CD82: variants seen among roughly 807,000 people sequenced by gnomAD.
The protein encoded by CD82 is CD82 antigen.
CD82 carries 36 observed loss-of-function variants against 37.4 expected under a neutral mutation model. The ratio of observed to expected loss-of-function variants is 0.96; its 90% CI spans 0.74 to 1.27. CD82 has a LOEUF of 1.27. Ranked by LOEUF, CD82 falls within the 50% of genes most tolerant of loss-of-function variation. CD82 has a pLI of 0.00. For synonymous variants in CD82, 158 were observed against 137.4 expected (o/e 1.15, Z -1.05); for missense variants, 340 against 347.0 (o/e 0.98, Z 0.16).
intron 3 of CD82, among the ~76,000 whole-genome samples, chr11:44,599,051 G>A (rs1000813206): frequency 1.3e-5 from 2 of 152,218 alleles, no homozygotes; most frequent in Admixed American, 6.5e-5. Context: ...TCTTGGCTGG[G>A]ACTCCACCTG....
intron 3 of CD82, chr11:44,596,841 T>C: frequency 2.2e-6 from 1 of 451,804 alleles, no homozygotes; most frequent in Non-Finnish European, 4.5e-6. Flanking sequence ...TTCCGGAGCT[T>C]GTGTCCTAGG....
chr11:44,596,606 C>A (rs1360453960), intron 3 of CD82, among the ~76,000 whole-genome samples: 4 of 152,144 alleles, frequency 2.6e-5, no homozygotes, highest in Non-Finnish European at 4.4e-5. Flanking sequence ...CCTTTTGGCT[C>A]CTCCAGGGGC....
intron 1 of CD82, among the ~76,000 whole-genome samples, chr11:44,569,306 C>T (rs1852782368): frequency 6.6e-6 from 1 of 152,174 alleles, no homozygotes. Flanking sequence ...CAGCTGGTGT[C>T]TCTCGGAGGC....
intron 4 of CD82, chr11:44,604,777 A>G (rs1393817130): frequency 4.3e-6 from 2 of 470,344 alleles, no homozygotes; most frequent in Non-Finnish European, 7.8e-6. Flanking sequence ...AATCAGTGAA[A>G]TGTAGTCTAT....
intron 1 of CD82, among the ~76,000 whole-genome samples, chr11:44,575,955 C>T (rs1852885076): frequency 6.6e-6 from 1 of 152,236 alleles, no homozygotes; most frequent in South Asian, 2.1e-4. Context: ...ACCTTGACTT[C>T]TCCAGTGCAG....
chr11:44,590,784 G>A (rs143046063), intron 2 of CD82, among the ~76,000 whole-genome samples: 62 of 152,162 alleles, frequency 4.1e-4, no homozygotes, highest in African/African-American at 1.1e-3. Flanking sequence ...GTATGGGAGG[G>A]CAGAGCCGGG....
chr11:44,592,185 T>C (rs1853155000), intron 2 of CD82, among the ~76,000 whole-genome samples: 1 of 152,116 alleles, frequency 6.6e-6, no homozygotes, highest in Non-Finnish European at 1.5e-5. Context: ...GCAGAGGATG[T>C]GTGAGCTGGA....
intron 9 of CD82, 45 bp from the exon 10 acceptor site, chr11:44,619,004 G>A (rs373528762): frequency 3.9e-6 from 6 of 1,543,122 alleles, no homozygotes; most frequent in South Asian, 1.1e-5. Context: ...GGCGTCTGAG[G>A]CCGGGACACC....
At position 44,620,112 on chromosome 11, in the gene CD82, C is replaced by T. The variant is rs1853643004; in HGVS notation, c.*986C>T. 2 of 152,334 alleles carry T rather than the reference C, an allele frequency of 1.3e-5. No homozygotes were observed. The highest frequency in any genetic ancestry group is 2.9e-5 in the Non-Finnish European group (2 of 68,336). 9.4% of individuals were successfully genotyped at this position (152,334 alleles called of 1,614,324 possible). On this transcript the variant is annotated 3_prime_UTR_variant, in exon 10 of 10. Coordinates refer to ENST00000227155, the MANE Select transcript of CD82 (RefSeq NM_002231.4). ...TGAGCTGCTTAGGGACAGGTGAGTC[C>T]TTGGGGGCATGGCACAGAGCTGGTC... is the stretch of plus-strand genomic sequence containing the variant.
chr11:44,594,983 G>A, intron 3 of CD82: 1 of 529,966 alleles, frequency 1.9e-6, no homozygotes, highest in East Asian at 3.4e-5. Flanking sequence ...GCCTGGGCTG[G>A]CGGTGGGTAT....
chr11:44,618,142 C>G lies in CD82; in HGVS notation c.439-20C>G. 6.2e-6 allele frequency: 10 copies of G among 1,611,446 alleles called. No homozygotes were observed. The highest frequency in any genetic ancestry group is 8.5e-6 in the Non-Finnish European group (10 of 1,178,060). On this transcript the variant is annotated intron_variant, in intron 7 of 9. Coordinates refer to ENST00000227155, the MANE Select transcript of CD82 (RefSeq NM_002231.4). ...AGGGTGAGCCGTGAGCACAAGCAGT[C>G]TGTCCCCTGCCTTGCCCAGGTGAAG... is the stretch of plus-strand genomic sequence containing the variant.
chr11:44,594,853 C>T lies in CD82; in HGVS notation c.63+128C>T, dbSNP rs941186579. The T allele has an allele frequency of 1.1e-4, 82 of 743,926 alleles. No homozygotes were observed. The East Asian group carries it at 1.5e-3, about 13-fold the overall frequency. The allele number at this position is 743,926 out of a possible 1,614,324, so 46.1% of individuals were successfully genotyped here. ...GGATTTGGTGGGTAGGGACTGAGGA[C>T]GAACTATCTCCAACGGAACCTAGTT... On this transcript the variant is annotated intron_variant, in intron 3 of 9. Coordinates refer to ENST00000227155, the MANE Select transcript of CD82 (RefSeq NM_002231.4).
intron 7 of CD82, 79 bp from the exon 8 acceptor site, chr11:44,618,083 G>A: frequency 7.9e-7 from 1 of 1,263,418 alleles, no homozygotes; most frequent in Non-Finnish European, 1.1e-6. Context: ...CTGTCCTGGG[G>A]AGGTCCTCCC....
intron 2 of CD82, among the ~76,000 whole-genome samples, chr11:44,588,234 G>GT (rs34456560): frequency 0.75 from 111,331 of 148,290 alleles, 41,751 homozygotes; most frequent in East Asian, 0.92. Context: ...TTTGTTTTTT[G>GT]TTTTTTTTAG....
intron 4 of CD82, among the ~76,000 whole-genome samples, chr11:44,603,208 G>T (rs79477429): frequency 1.6e-3 from 244 of 152,290 alleles, no homozygotes; most frequent in African/African-American, 5.7e-3. Flanking sequence ...TGAGGAAGGT[G>T]GGGGGCTCCT....
chr11:44,569,579 TG>T (rs2134611350), intron 1 of CD82, among the ~76,000 whole-genome samples: 1 of 152,234 alleles, frequency 6.6e-6, no homozygotes, highest in East Asian at 1.9e-4. Flanking sequence ...ATCTATCCTT[TG>T]CAAAGTAGGG....
intron 1 of CD82, chr11:44,585,331 A>T (rs1301316143): frequency 2.2e-6 from 1 of 456,176 alleles, no homozygotes; most frequent in African/African-American, 2.0e-5. Flanking sequence ...GGTGCCAGGA[A>T]CTTTATAGAT....
At chr11:44,571,263 A>G (rs1349074138) in intron 1 of CD82, among the ~76,000 whole-genome samples, 5 of 152,184 alleles carry the variant, frequency 3.3e-5, no homozygotes, top group Admixed American at 2.0e-4. Context: ...GTGTTCCAGA[A>G]GCCTTCCTGA....
chr11:44,604,810 A>G, intron 4 of CD82: 1 of 550,808 alleles, frequency 1.8e-6, no homozygotes, highest in Non-Finnish European at 3.3e-6. Context: ...AGCCTTACGA[A>G]GTAAAAAATA....
Sources: allele counts gnomAD v4.1 joint callset (sites outside exome capture counted in the v4.1 genomes callset), GRCh38; gene constraint gnomAD v4.1.1; transcripts MANE v1.5; gene names NCBI Gene and HGNC (gene_info 2026-07-23, HGNC 2026-07-21).